The following MRTFB variants were observed in gnomAD, a reference collection of about 807,000 sequenced individuals.
MRTFB encodes myocardin-related transcription factor B.
Under a neutral mutation model 104.2 loss-of-function variants are expected in MRTFB, and 29 were observed. That is an observed-to-expected ratio of 0.28 (90% CI 0.21 to 0.38). MRTFB has a LOEUF of 0.38. Ranked by LOEUF, MRTFB falls within the 10% of genes least tolerant of loss-of-function variation. The pLI, the probability that MRTFB is intolerant of heterozygous loss-of-function variation, is 1.00. For missense variants in MRTFB, 1,270 were observed against 1,341.6 expected (o/e 0.95, Z 0.83); for synonymous variants, 535 against 519.5 (o/e 1.03, Z -0.41).
intron 3 of MRTFB, among the ~76,000 whole-genome samples, chr16:14,194,027 C>T (rs1282836638): frequency 6.6e-6 from 1 of 152,142 alleles, no homozygotes; most frequent in Non-Finnish European, 1.5e-5. Context: ...ATCATAACAC[C>T]ACTCTAATTT....
chr16:14,255,990 G>GT (rs1427641745), intron 15 of MRTFB, among the ~76,000 whole-genome samples: 1 of 151,724 alleles, frequency 6.6e-6, no homozygotes, highest in Non-Finnish European at 1.5e-5. Flanking sequence ...GTGCATACCT[G>GT]TAGTCCCAGC....
intron 3 of MRTFB, among the ~76,000 whole-genome samples, chr16:14,167,451 A>T (rs2039282833): frequency 6.6e-6 from 1 of 151,464 alleles, no homozygotes; most frequent in Admixed American, 6.6e-5. Context: ...CCCATTCTGT[A>T]GGTTGTCGAT....
chr16:14,053,183 C>A, the MRTFB span, among the ~76,000 whole-genome samples: 1 of 152,220 alleles, frequency 6.6e-6, no homozygotes, highest in South Asian at 2.1e-4. Flanking sequence ...ACGTCGACCT[C>A]CCAAAGCATT....
At chr16:14,225,852 C>T (rs1255032641) in intron 8 of MRTFB, among the ~76,000 whole-genome samples, 3 of 152,176 alleles carry the variant, frequency 2.0e-5, no homozygotes, top group Non-Finnish European at 1.5e-5. Context: ...CATCTTCAGA[C>T]TTTCTTGTCA....
Position 14,262,416 on chromosome 16 carries a change from A to T in MRTFB, c.*972A>T, listed in dbSNP as rs2151488038. ...TCTCAAAGAACCAAGAAAAGGCTTT[A>T]GCATGAAATATCTTTCTGAGCTGGC... On this transcript the variant is annotated 3_prime_UTR_variant, in exon 17 of 17. Transcript: ENST00000571589. The T allele has an allele frequency of 6.6e-6, 1 of 152,390 alleles. No individual in the cohort carries two copies. Among genetic ancestry groups the T allele is most frequent in the East Asian group, 1.9e-4 (1 of 5,190 alleles). The allele number at this position is 152,390 out of a possible 1,614,324, so 9.4% of individuals were successfully genotyped here.
intron 4 of MRTFB, among the ~76,000 whole-genome samples, chr16:14,211,366 CG>C: frequency 6.6e-6 from 1 of 152,254 alleles, no homozygotes; most frequent in East Asian, 1.9e-4. Flanking sequence ...AATCTGCTTT[CG>C]GGTGCTGGTC....
intron 8 of MRTFB, among the ~76,000 whole-genome samples, chr16:14,224,276 T>C (rs1186045349): frequency 6.7e-6 from 1 of 150,268 alleles, no homozygotes; most frequent in Non-Finnish European, 1.5e-5. Context: ...TATATCAGCA[T>C]TGTTTGACAG....
At chr16:14,015,453 C>A in the MRTFB span, among the ~76,000 whole-genome samples, 1 of 152,092 alleles carries the variant, frequency 6.6e-6, no homozygotes, top group Non-Finnish European at 1.5e-5. Flanking sequence ...CAGAAAGAGA[C>A]CAAGAAATAT....
chr16:14,218,830 G>A lies in MRTFB; in HGVS notation c.525G>A (p.Lys175=), dbSNP rs1324976933. 6 of 1,592,040 alleles carry A rather than the reference G, an allele frequency of 3.8e-6. No homozygotes were observed. The highest frequency in any genetic ancestry group is 5.1e-6 in the Non-Finnish European group (6 of 1,166,564). ...SVKEAIIGVG[K]EDYPHTQGDF... ...CATTTCTTTCTTTAGGCGTTGGGAA[G>A]GAGGACTATCCCCACACTCAGGGCG... is the stretch of plus-strand genomic sequence containing the variant. The change falls in exon 8 of 17, where the codon AAG becomes AAA. Residue 175 remains lysine, a synonymous_variant. Coordinates refer to ENST00000571589, the MANE Select transcript of MRTFB (RefSeq NM_001308142.2).
chr16:14,003,417 C>T, the MRTFB span, among the ~76,000 whole-genome samples: 1 of 152,364 alleles, frequency 6.6e-6, no homozygotes, highest in Middle Eastern at 3.4e-3. Context: ...TCCACCCCCG[C>T]ACGCTCACAG....
the MRTFB span, among the ~76,000 whole-genome samples, chr16:14,022,294 C>T: frequency 6.6e-6 from 1 of 152,204 alleles, no homozygotes; most frequent in African/African-American, 2.4e-5. Flanking sequence ...GAGCAAATCC[C>T]TGAGTTCTAA....
the MRTFB span, among the ~76,000 whole-genome samples, chr16:14,041,899 C>G: frequency 6.6e-6 from 1 of 152,012 alleles, no homozygotes; most frequent in African/African-American, 2.4e-5. Flanking sequence ...GCACTCGAGC[C>G]TGGGCAACAA....
the MRTFB span, among the ~76,000 whole-genome samples, chr16:14,003,577 C>A: frequency 6.6e-6 from 1 of 151,828 alleles, no homozygotes; most frequent in African/African-American, 2.4e-5. Context: ...CAGGGAAGAC[C>A]ACTGCTTGAG....
chr16:14,244,731 T>G (rs1355304138), intron 10 of MRTFB, among the ~76,000 whole-genome samples: 1 of 151,846 alleles, frequency 6.6e-6, no homozygotes, highest in African/African-American at 2.4e-5. Context: ...TTCCCCCCAC[T>G]TTTCCACTGG....
chr16:14,092,124 A>C (rs2090270411), intron 2 of MRTFB, among the ~76,000 whole-genome samples: 1 of 151,964 alleles, frequency 6.6e-6, no homozygotes, highest in African/African-American at 2.4e-5. Flanking sequence ...AGCAAAGTTT[A>C]GATCAGCTTA....
intron 2 of MRTFB, among the ~76,000 whole-genome samples, chr16:14,124,857 C>T (rs970073809): frequency 6.6e-6 from 1 of 152,072 alleles, no homozygotes; most frequent in Non-Finnish European, 1.5e-5. Context: ...ATGTGTTAAC[C>T]CTACTGATGG....
intron 10 of MRTFB, chr16:14,240,687 A>C (rs112133633): frequency 2.2e-6 from 2 of 913,564 alleles, no homozygotes; most frequent in Admixed American, 3.4e-5. Flanking sequence ...TGTCCTCCAA[A>C]ATAGGTTCTG....
chr16:14,099,051 T>C (rs1409210889), intron 2 of MRTFB, among the ~76,000 whole-genome samples: 5 of 152,226 alleles, frequency 3.3e-5, no homozygotes, highest in African/African-American at 4.8e-5. Context: ...TTGTTTGAGC[T>C]ATTCTGGGTC....
Position 14,240,221 on chromosome 16 carries a change from T to G in MRTFB, c.832-16T>G, listed in dbSNP as rs756173509. ...TGACATCTCTTTAAATGTTATTTTC[T>G]TTTTCTCAAAAATAGCAAAGCCATC... is the stretch of plus-strand genomic sequence containing the variant. On this transcript the variant is annotated splice_polypyrimidine_tract_variant and intron_variant, in intron 9 of 16. Transcript: ENST00000571589. 1.3e-6 allele frequency: 2 copies of G among 1,571,904 alleles called. No homozygotes were observed. The highest frequency in any genetic ancestry group is 3.9e-5 in the Admixed American group (2 of 51,404).
Sources: gnomAD v4.1 joint callset for allele counts (sites outside exome capture counted in the v4.1 genomes callset) on GRCh38, gnomAD v4.1.1 for gene constraint, MANE v1.5 for transcripts, NCBI Gene and HGNC (gene_info 2026-07-23, HGNC 2026-07-21) for gene names.